The following RANBP17 variants were observed in gnomAD, a reference collection of about 807,000 sequenced individuals.
RANBP17 encodes RAN binding protein 17.
Under a neutral mutation model 141.2 loss-of-function variants are expected in RANBP17, and 158 were observed. The observed-to-expected ratio is 1.12, with a 90% CI of 0.98 to 1.28. RANBP17 has a LOEUF of 1.28. RANBP17 is among the 50% of genes most tolerant of loss of function. RANBP17 has a pLI of 0.00. For synonymous variants in RANBP17, 430 were observed against 450.0 expected (o/e 0.96, Z 0.56); for missense variants, 1,438 against 1,290.7 (o/e 1.11, Z -1.75).
At chr5:171,033,924 TAGTG>T (rs764245118) in intron 14 of RANBP17, among the ~76,000 whole-genome samples, 4 of 151,942 alleles carry the variant, frequency 2.6e-5, no homozygotes, top group Admixed American at 6.6e-5. Context: ...CTGGGCAACA[TAGTG>T]AGGCTCTGTC....
intron 12 of RANBP17, among the ~76,000 whole-genome samples, chr5:170,949,185 G>A (rs1340868998): frequency 3.3e-5 from 5 of 152,052 alleles, no homozygotes; most frequent in Non-Finnish European, 7.4e-5. Flanking sequence ...ACCTGAAGCA[G>A]ACAACAGAAA....
At position 171,252,054 on chromosome 5, in the gene RANBP17, T is replaced by C. The variant is rs1422694537; in HGVS notation, c.2776+9234T>C. ...AACCTAGGAAAAAGGAGAGCCTTCT[T>C]ACATGCTTAGCAGATCTCTTCCATA... is the stretch of plus-strand genomic sequence containing the variant. On this transcript the variant is annotated intron_variant, in intron 24 of 27. Transcript: ENST00000523189. 1.1e-5 allele frequency: 17 copies of C among 1,604,334 alleles called. No homozygotes were observed. The Admixed American group carries it at 2.0e-4, about 19-fold the overall frequency.
In RANBP17 at chr5:170,892,540, AG is replaced by A; in HGVS notation, c.411del (p.Lys138SerfsTer11). 1 of 1,613,542 alleles carries A rather than the reference AG, an allele frequency of 6.2e-7. No individual in the cohort carries two copies. The highest frequency in any genetic ancestry group is 8.5e-7 in the Non-Finnish European group (1 of 1,179,716). On this transcript the variant is annotated frameshift_variant, in exon 4 of 28. Transcript: ENST00000523189. LOFTEE classifies it high-confidence loss of function. ...TTCAGAGAAATTATTGCTGATGTGAAGAAGTTTCTCCAGGTAAGAAGTCATT... is the reference window on the plus strand; with the variant it reads ...TTCAGAGAAATTATTGCTGATGTGAAAAGTTTCTCCAGGTAAGAAGTCATT... ...FVFREIIADVKKFLQGTVEHC... is the reference protein window; with the variant it reads ...FVFREIIADVXKFLQGTVEHC...
chr5:171,057,472 A>T (rs907759661), intron 14 of RANBP17, among the ~76,000 whole-genome samples: 1 of 151,272 alleles, frequency 6.6e-6, no homozygotes. Context: ...ATTTCAATAC[A>T]TAGAGTTCCT....
chr5:170,949,270 C>T (rs958834970), intron 12 of RANBP17, among the ~76,000 whole-genome samples: 1 of 152,014 alleles, frequency 6.6e-6, no homozygotes, highest in Non-Finnish European at 1.5e-5. Context: ...TTTTGTGCAT[C>T]AAAGCATGCC....
chr5:170,976,844 C>T (rs909477475), intron 14 of RANBP17, among the ~76,000 whole-genome samples: 3 of 151,996 alleles, frequency 2.0e-5, no homozygotes, highest in African/African-American at 7.2e-5. Flanking sequence ...TCTCTCACAC[C>T]ATATGCAAAA....
At position 171,159,888 on chromosome 5, in the gene RANBP17, A is replaced by G. The variant is rs1358074030; in HGVS notation, c.1711-10242A>G. Reference sequence around the variant, plus strand: ...CGGTGAGCCAGGATCATGCCACTCCAGCCTGGGCGACAGAGTGAGACTCCA... The same window carrying G: ...CGGTGAGCCAGGATCATGCCACTCCGGCCTGGGCGACAGAGTGAGACTCCA... On this transcript the variant is annotated intron_variant, in intron 14 of 27. Transcript: ENST00000523189. 1.0e-3 allele frequency among the ~76,000 whole-genome samples: 146 copies of G among 144,056 alleles called. 1 individual carries two copies. The highest frequency in any genetic ancestry group is 4.5e-5 in the Non-Finnish European group (3 of 66,712). 94.5% of individuals were successfully genotyped at this position (144,056 alleles called of 152,430 possible). A position where few individuals can be genotyped will look rare whatever the true frequency, so the allele number is the denominator to read the frequency against.
Position 170,890,349 on chromosome 5 carries a change from T to C in RANBP17, c.257-2038T>C, listed in dbSNP as rs1010495749. ...CTTAGAACCATATTACTGTGATTCG[T>C]AGGAGAAACTTCTCTGATATTTGTC... On this transcript the variant is annotated intron_variant, in intron 3 of 27. Transcript: ENST00000523189. Among the ~76,000 whole-genome samples the C allele has an allele frequency of 4.8e-4, 73 of 152,208 alleles. 1 individual carries two copies. The highest frequency in any genetic ancestry group is 9.4e-4 in the Non-Finnish European group (64 of 68,038).
intron 24 of RANBP17, chr5:171,252,695 A>G (rs1170588653): frequency 3.4e-6 from 5 of 1,452,292 alleles, no homozygotes; most frequent in Admixed American, 1.7e-5. Context: ...GATGCCACCA[A>G]TCCAGACAGA....
chr5:170,927,546 G>T (rs1344258557), intron 12 of RANBP17, among the ~76,000 whole-genome samples: 5 of 151,620 alleles, frequency 3.3e-5, no homozygotes, highest in African/African-American at 1.2e-4. Context: ...CATTTCCTTT[G>T]CCATTTTTCT....
At chr5:170,896,009 C>T in intron 4 of RANBP17, 41 bp from the exon 5 acceptor site, 1 of 1,290,142 alleles carries the variant, frequency 7.8e-7, no homozygotes, top group Non-Finnish European at 1.1e-6. Context: ...GAACCAATCA[C>T]TTGTCTCCAC....
chr5:171,099,703 A>G (rs992090555), intron 14 of RANBP17, among the ~76,000 whole-genome samples: 3 of 152,264 alleles, frequency 2.0e-5, no homozygotes, highest in Admixed American at 1.3e-4. Flanking sequence ...GAATGCTTCC[A>G]GTTTTTGCCC....
chr5:170,971,194 T>G (rs1167804322), intron 14 of RANBP17, among the ~76,000 whole-genome samples: 4 of 152,226 alleles, frequency 2.6e-5, no homozygotes, highest in African/African-American at 9.6e-5. Flanking sequence ...AGAAGTAAGT[T>G]CTTCAGGAAC....
At chr5:170,990,774 T>G (rs938645052) in intron 14 of RANBP17, among the ~76,000 whole-genome samples, 2 of 151,898 alleles carry the variant, frequency 1.3e-5, no homozygotes, top group African/African-American at 2.4e-5. Flanking sequence ...GAAATTGATA[T>G]AAAGTAGATC....
chr5:170,999,996 A>G (rs929051143), intron 14 of RANBP17, among the ~76,000 whole-genome samples: 2 of 152,192 alleles, frequency 1.3e-5, no homozygotes, highest in Non-Finnish European at 2.9e-5. Flanking sequence ...ATCACATGGT[A>G]TTAGTGTGCT....
At chr5:171,103,636 G>A (rs1787340669) in intron 14 of RANBP17, among the ~76,000 whole-genome samples, 1 of 152,044 alleles carries the variant, frequency 6.6e-6, no homozygotes, top group Non-Finnish European at 1.5e-5. Context: ...CGTTCCAGGT[G>A]CCAGTGGGGT....
intron 12 of RANBP17, among the ~76,000 whole-genome samples, chr5:170,943,366 G>A (rs1774488766): frequency 2.6e-5 from 4 of 152,092 alleles, no homozygotes; most frequent in Admixed American, 2.6e-4. Context: ...TATTTGTGGT[G>A]ATATGGTCAT....
rs376975208 is a variant in RANBP17, at chr5:170,925,611, C to T, written c.1468+1061C>T. On this transcript the variant is annotated intron_variant, in intron 12 of 27. Coordinates refer to ENST00000523189, the MANE Select transcript of RANBP17 (RefSeq NM_022897.5). ...TAAAGAATAGGTCGTTTGCCAATACCTTTGCAGCATCTTTGTTCCTCTTTC... is the reference window on the plus strand; with the variant it reads ...TAAAGAATAGGTCGTTTGCCAATACTTTTGCAGCATCTTTGTTCCTCTTTC... Among the ~76,000 whole-genome samples the T allele has an allele frequency of 4.1e-4, 63 of 152,250 alleles. 1 individual carries two copies. In the South Asian group the frequency reaches 0.013, roughly 31 times the overall value.
rs56686451 is a variant in RANBP17 at position 171,038,632 on chromosome 5, G to C, written c.1710+70255G>C. On this transcript the variant is annotated intron_variant, in intron 14 of 27. Transcript: ENST00000523189. ...TTGAGGTATGATCCTTTGATGCCTA[G>C]TTTATTGAGGGTTTTTATCATAATG... Among the ~76,000 whole-genome samples, 65 of 152,144 alleles carry C rather than the reference G, an allele frequency of 4.3e-4. 1 individual carries two copies. The South Asian group carries it at 0.013, about 31-fold the overall frequency.
Sources: allele counts gnomAD v4.1 joint callset (sites outside exome capture counted in the v4.1 genomes callset), GRCh38; gene constraint gnomAD v4.1.1; transcripts MANE v1.5; gene names NCBI Gene and HGNC (gene_info 2026-07-23, HGNC 2026-07-21).